ATP6V0A1: variants seen among roughly 807,000 people sequenced by gnomAD.
ATP6V0A1 encodes the protein ATPase H+ transporting V0 subunit a1.
ATP6V0A1 carries 43 observed loss-of-function variants against 105.4 expected under a neutral mutation model. The observed-to-expected ratio is 0.41, with a 90% CI of 0.32 to 0.53. ATP6V0A1 has a LOEUF of 0.53. Among genes scored for constraint, ATP6V0A1 ranks in the 20% least tolerant of loss-of-function variants. The pLI, the probability that ATP6V0A1 is intolerant of heterozygous loss-of-function variation, is 0.30. For synonymous variants in ATP6V0A1, 362 were observed against 372.8 expected (o/e 0.97, Z 0.33); for missense variants, 676 against 1,051.1 (o/e 0.64, Z 4.93).
intron 21 of ATP6V0A1, 106 bp downstream of exon 21, chr17:42,514,566 G>A (rs2092518360): frequency 1.6e-6 from 2 of 1,216,914 alleles, no homozygotes; most frequent in African/African-American, 3.1e-5. Flanking sequence ...GTGCAGGAAA[G>A]ATGAGCTGGC....
chr17:42,470,348 G>A, intron 5 of ATP6V0A1, 130 bp downstream of exon 5: 1 of 1,144,530 alleles, frequency 8.7e-7, no homozygotes, highest in Non-Finnish European at 1.3e-6. Flanking sequence ...CCCTGTTTTA[G>A]TTACAGAAAT....
At chr17:42,475,329 G>A (rs1490203967) in intron 5 of ATP6V0A1, among the ~76,000 whole-genome samples, 1 of 152,142 alleles carries the variant, frequency 6.6e-6, no homozygotes, top group African/African-American at 2.4e-5. Context: ...GTAAGGCGTG[G>A]TTTTCAGTAT....
intron 4 of ATP6V0A1, among the ~76,000 whole-genome samples, chr17:42,469,362 GCT>G (rs558064177): frequency 9.0e-4 from 100 of 110,558 alleles, no homozygotes; most frequent in African/African-American, 3.5e-3. Flanking sequence ...ACAGAGTCTT[GCT>G]CTCTCACCCA....
chr17:42,499,002 C>A lies in ATP6V0A1; in HGVS notation c.1639C>A (p.His547Asn), dbSNP rs1288067447. Reference protein sequence around the residue: ...MKMSVILGIIHMLFGVSLSLF... With the variant: ...MKMSVILGIINMLFGVSLSLF... ...GATGTCTGTTATCCTTGGTATCATC[C>A]ATATGCTGTTTGGAGTCAGCCTGAG... The change falls in exon 15 of 22, where the codon CAT becomes AAT. Residue 547 changes from histidine to asparagine, a missense_variant. Around this residue, in one of 3 missense-constraint regions of ATP6V0A1, gnomAD observed 435 missense variants for 642.2 expected, o/e 0.68. Coordinates refer to ENST00000343619, the MANE Select transcript of ATP6V0A1 (RefSeq NM_001130021.3). 1 of 1,613,410 alleles carries A rather than the reference C, an allele frequency of 6.2e-7. No individual in the cohort carries two copies. The highest frequency in any genetic ancestry group is 2.2e-5 in the East Asian group (1 of 44,866).
chr17:42,465,435 T>G (rs1449219653), intron 2 of ATP6V0A1, among the ~76,000 whole-genome samples: 2 of 151,494 alleles, frequency 1.3e-5, no homozygotes, highest in African/African-American at 4.8e-5. Context: ...GGATTACAGA[T>G]GTACACTACC....
intron 16 of ATP6V0A1, 71 bp from the exon 17 acceptor site, chr17:42,501,126 A>G (rs928728913): frequency 3.8e-6 from 5 of 1,320,566 alleles, no homozygotes; most frequent in Admixed American, 2.0e-5. Context: ...AATTTGTGCC[A>G]TATTTGGAAA....
chr17:42,459,754 C>G (rs1469030702), intron 1 of ATP6V0A1, among the ~76,000 whole-genome samples: 1 of 152,160 alleles, frequency 6.6e-6, no homozygotes, highest in Admixed American at 6.6e-5. Context: ...TTGAGAAGTC[C>G]TTGCTTATGT....
intron 17 of ATP6V0A1, among the ~76,000 whole-genome samples, chr17:42,505,781 A>T (rs1177946728): frequency 6.9e-6 from 1 of 145,700 alleles, no homozygotes; most frequent in East Asian, 2.1e-4. Flanking sequence ...ATCCTTTTTC[A>T]TATGTCTTTT....
At chr17:42,462,998 C>CTTT (rs35135162) in intron 2 of ATP6V0A1, among the ~76,000 whole-genome samples, 12,701 of 66,070 alleles carry the variant, frequency 0.19, 1,777 homozygotes, top group Non-Finnish European at 0.22. Context: ...GGATATGGAA[C>CTTT]TTTTTTTTTT....
chr17:42,516,662 G>A (rs1443566036), intron 21 of ATP6V0A1, among the ~76,000 whole-genome samples: 1 of 152,198 alleles, frequency 6.6e-6, no homozygotes, highest in African/African-American at 2.4e-5. Flanking sequence ...TGGGCAGGGC[G>A]GGAGCAAGGC....
intron 2 of ATP6V0A1, among the ~76,000 whole-genome samples, chr17:42,464,376 A>G (rs1397222262): frequency 6.6e-6 from 1 of 151,952 alleles, no homozygotes; most frequent in African/African-American, 2.4e-5. Flanking sequence ...TGTTGAATAC[A>G]TGGATATGTA....
chr17:42,465,599 G>A (rs1043046048), intron 2 of ATP6V0A1, among the ~76,000 whole-genome samples: 3 of 151,920 alleles, frequency 2.0e-5, no homozygotes, highest in Non-Finnish European at 4.4e-5. Flanking sequence ...CAGATTGCTA[G>A]CTTTTTAGTG....
At chr17:42,472,274 G>A (rs200510982) in intron 5 of ATP6V0A1, among the ~76,000 whole-genome samples, 6 of 151,460 alleles carry the variant, frequency 4.0e-5, no homozygotes, top group Non-Finnish European at 5.9e-5. Flanking sequence ...GGCTGGTCTC[G>A]AACCTCTAGC....
At chr17:42,468,253 T>C in intron 4 of ATP6V0A1, 146 bp downstream of exon 4, 2 of 500,966 alleles carry the variant, frequency 4.0e-6, no homozygotes, top group South Asian at 5.6e-5. Flanking sequence ...GGGATTTTGA[T>C]AGATAATATT....
chr17:42,496,878 C>T (rs2091233409), intron 14 of ATP6V0A1, among the ~76,000 whole-genome samples: 1 of 151,830 alleles, frequency 6.6e-6, no homozygotes, highest in Non-Finnish European at 1.5e-5. Context: ...CTACAATCAG[C>T]GAAACATAGA....
chr17:42,467,249 A>T (rs1006865874), intron 3 of ATP6V0A1, among the ~76,000 whole-genome samples: 1 of 152,126 alleles, frequency 6.6e-6, no homozygotes, highest in Non-Finnish European at 1.5e-5. Context: ...TTCCTTCAAG[A>T]TGGGTATTAT....
chr17:42,473,811 T>G (rs2088324972), intron 5 of ATP6V0A1, among the ~76,000 whole-genome samples: 1 of 152,172 alleles, frequency 6.6e-6, no homozygotes, highest in African/African-American at 2.4e-5. Flanking sequence ...AATTTTCTAA[T>G]GAAAAGAACT....
At chr17:42,474,224 G>A (rs1218915346) in intron 5 of ATP6V0A1, among the ~76,000 whole-genome samples, 1 of 151,834 alleles carries the variant, frequency 6.6e-6, no homozygotes, top group Non-Finnish European at 1.5e-5. Context: ...GGCTGGTCTC[G>A]AACTCTGACC....
chr17:42,464,833 C>T lies in ATP6V0A1; in HGVS notation c.118-1596C>T, dbSNP rs559145020. Among the ~76,000 whole-genome samples, 3 of 152,234 alleles carry T rather than the reference C, an allele frequency of 2.0e-5. No individual in the cohort carries two copies. In the East Asian group the frequency reaches 5.8e-4, roughly 29 times the overall value. The stretch of plus-strand genomic sequence containing the variant: ...CTTATTCTTTGTATTTTCCCCAGTG[C>T]CTAGTTCAGTATCTGACACCTATTT... On this transcript the variant is annotated intron_variant, in intron 2 of 21. Transcript: ENST00000343619.
Sources: gnomAD v4.1 joint callset for allele counts (sites outside exome capture counted in the v4.1 genomes callset) on GRCh38, gnomAD v4.1.1 for gene constraint, gnomAD v4.1.1 regional missense constraint, MANE v1.5 for transcripts, NCBI Gene and HGNC (gene_info 2026-07-23, HGNC 2026-07-21) for gene names.